ZSWIM5: variants seen among roughly 807,000 people sequenced by gnomAD.
ZSWIM5 encodes the protein zinc finger SWIM domain-containing protein 5.
In ZSWIM5, 55 loss-of-function variants were observed where a neutral mutation model predicts 119.6. That is an observed-to-expected ratio of 0.46 (90% CI 0.37 to 0.58). The LOEUF is 0.58. ZSWIM5 is among the 20% of genes least tolerant of loss of function. ZSWIM5 has a pLI of 0.00. For missense variants in ZSWIM5, 1,193 were observed against 1,512.8 expected (o/e 0.79, Z 3.51); for synonymous variants, 537 against 606.9 (o/e 0.88, Z 1.69).
At chr1:45,144,817 T>C (rs899042283) in intron 1 of ZSWIM5, among the ~76,000 whole-genome samples, 1 of 152,188 alleles carries the variant, frequency 6.6e-6, no homozygotes, top group Non-Finnish European at 1.5e-5. Context: ...ACTGGTAAGT[T>C]GGATTTCATT....
rs1220453424 is a variant in ZSWIM5, at chr1:45,083,147, A to G, written c.952+4734T>C. ...GCTACTTTTTGACAGTATCACTCAA[A>G]TAGAGAGAGCTCAGTTATTATGTAA... On this transcript the variant is annotated intron_variant, in intron 2 of 13. Coordinates refer to ENST00000359600, the MANE Select transcript of ZSWIM5 (RefSeq NM_020883.2). Among the ~76,000 whole-genome samples, 5 of 152,340 alleles carry G rather than the reference A, an allele frequency of 3.3e-5. No individual in the cohort carries two copies. The South Asian group carries it at 6.2e-4, about 19-fold the overall frequency.
intron 1 of ZSWIM5, among the ~76,000 whole-genome samples, chr1:45,159,488 A>G (rs1010121793): frequency 1.3e-5 from 2 of 152,174 alleles, no homozygotes; most frequent in African/African-American, 4.8e-5. Context: ...AATATTATTT[A>G]TTATTATTGT....
intron 2 of ZSWIM5, among the ~76,000 whole-genome samples, chr1:45,060,554 AT>A (rs1219878746): frequency 1.3e-5 from 2 of 152,124 alleles, no homozygotes; most frequent in South Asian, 2.1e-4. Context: ...CAAATTGTGC[AT>A]TTTTTTCCCC....
rs6664552 is a variant in ZSWIM5, at chr1:45,076,076, C to T, written c.952+11805G>A. Among the ~76,000 whole-genome samples, 1,384 of 152,168 alleles carry T rather than the reference C, an allele frequency of 9.1e-3. 27 individuals are homozygous for T. Among genetic ancestry groups the T allele is most frequent in the African/African-American group, 0.032 (1,327 of 41,514 alleles). On this transcript the variant is annotated intron_variant, in intron 2 of 13. Coordinates refer to ENST00000359600, the MANE Select transcript of ZSWIM5 (RefSeq NM_020883.2). ...TTGTTACTACTTTTATCTTATTATG[C>T]TATGTCTTGAAAGTTGTAGTTATTA...
At chr1:45,060,010 T>C in intron 3 of ZSWIM5, 89 bp downstream of exon 3, 1 of 1,471,732 alleles carries the variant, frequency 6.8e-7, no homozygotes, top group Non-Finnish European at 9.3e-7. Context: ...GAGCTAGGTA[T>C]AATGCATGAA....
intron 2 of ZSWIM5, among the ~76,000 whole-genome samples, chr1:45,071,227 T>C (rs531311790): frequency 1.5e-4 from 23 of 152,262 alleles, no homozygotes; most frequent in African/African-American, 5.5e-4. Flanking sequence ...ATTCTAACTA[T>C]GTTTTGTACA....
At chr1:45,161,958 C>T (rs346724) in intron 1 of ZSWIM5, among the ~76,000 whole-genome samples, 24,253 of 152,148 alleles carry the variant, frequency 0.16, 1,994 homozygotes, top group African/African-American at 0.18. Context: ...CTCCCACTTC[C>T]AGCTCTAATG....
chr1:45,062,257 TC>T (rs1570043962), intron 2 of ZSWIM5, among the ~76,000 whole-genome samples: 2 of 152,318 alleles, frequency 1.3e-5, no homozygotes, highest in Admixed American at 6.5e-5. Flanking sequence ...CAAATTCATG[TC>T]ATGTTTAATC....
chr1:45,192,240 C>T (rs370434479), intron 1 of ZSWIM5, among the ~76,000 whole-genome samples: 4 of 152,224 alleles, frequency 2.6e-5, no homozygotes, highest in African/African-American at 9.6e-5. Flanking sequence ...AATTTTTCAT[C>T]CTCCCATACT....
At chr1:45,182,265 G>A (rs1278536503) in intron 1 of ZSWIM5, among the ~76,000 whole-genome samples, 12 of 152,168 alleles carry the variant, frequency 7.9e-5, no homozygotes, top group Non-Finnish European at 1.3e-4. Flanking sequence ...TTAGCCGGGC[G>A]CAGTGGCTGG....
In ZSWIM5 at chr1:45,070,745, CT is replaced by C. The variant is rs553297639; in HGVS notation, c.953-10499del. ...TTTTTGAAACTCAATGCTACATCTT[CT>C]TTGATAATAACTTGCTAGTTTTTTT... On this transcript the variant is annotated intron_variant, in intron 2 of 13. Coordinates refer to ENST00000359600, the MANE Select transcript of ZSWIM5 (RefSeq NM_020883.2). Among the ~76,000 whole-genome samples, 881 of 152,308 alleles carry C rather than the reference CT, an allele frequency of 5.8e-3. 7 individuals are homozygous for C. Among genetic ancestry groups the C allele is most frequent in the Middle Eastern group, 0.014 (4 of 294 alleles).
chr1:45,117,001 T>C (rs970625712), intron 1 of ZSWIM5, among the ~76,000 whole-genome samples: 3 of 152,210 alleles, frequency 2.0e-5, no homozygotes, highest in African/African-American at 7.2e-5. Context: ...TTTTAAACTT[T>C]GAAGAATTCA....
At chr1:45,177,218 A>G (rs1234876695) in intron 1 of ZSWIM5, among the ~76,000 whole-genome samples, 2 of 151,980 alleles carry the variant, frequency 1.3e-5, no homozygotes, top group Non-Finnish European at 2.9e-5. Context: ...AATAGGAAAG[A>G]AGAAAAGAAT....
chr1:45,199,134 T>A (rs914650300), intron 1 of ZSWIM5, among the ~76,000 whole-genome samples: 1 of 152,164 alleles, frequency 6.6e-6, no homozygotes, highest in Non-Finnish European at 1.5e-5. Context: ...ACAGTCTTTT[T>A]TTTTTCTTTA....
At chr1:45,117,290 G>A (rs1392201608) in intron 1 of ZSWIM5, among the ~76,000 whole-genome samples, 1 of 152,174 alleles carries the variant, frequency 6.6e-6, no homozygotes, top group Non-Finnish European at 1.5e-5. Flanking sequence ...ACTCTAGATA[G>A]AGGATCATTA....
rs1215703894 is a variant in ZSWIM5, at chr1:45,019,609, CA to C, written c.2696-294del. Among the ~76,000 whole-genome samples the C allele has an allele frequency of 6.6e-6, 1 of 152,192 alleles. No homozygotes were observed. Among genetic ancestry groups the C allele is most frequent in the East Asian group, 1.9e-4 (1 of 5,186 alleles). ...AGCCTGGGGTTTGCTTGCCCTGAGG[CA>C]TGGGTTACAGATCTGCCAGGGGTTC... is the stretch of plus-strand genomic sequence containing the variant. On this transcript the variant is annotated intron_variant, in intron 13 of 13. Coordinates refer to ENST00000359600, the MANE Select transcript of ZSWIM5 (RefSeq NM_020883.2). This position sits in a 1 kb window ranked among gnomAD's most constrained non-coding sequence, Gnocchi z 5.0.
At chr1:45,195,594 T>C (rs1363055742) in intron 1 of ZSWIM5, among the ~76,000 whole-genome samples, 1 of 152,164 alleles carries the variant, frequency 6.6e-6, no homozygotes, top group Non-Finnish European at 1.5e-5. Flanking sequence ...AAATTATAGC[T>C]TGGCATTACA....
intron 8 of ZSWIM5, among the ~76,000 whole-genome samples, chr1:45,036,701 C>G (rs1644986925): frequency 6.6e-6 from 1 of 152,056 alleles, no homozygotes; most frequent in South Asian, 2.1e-4. Flanking sequence ...GCTTGGTCAA[C>G]AGCTATCATA....
rs1644875230 is a variant in ZSWIM5, at chr1:45,019,590, G to T, written c.2696-274C>A. On this transcript the variant is annotated intron_variant, in intron 13 of 13. Coordinates refer to ENST00000359600, the MANE Select transcript of ZSWIM5 (RefSeq NM_020883.2). This position sits in a 1 kb window ranked among gnomAD's most constrained non-coding sequence, Gnocchi z 5.0. ...CACAAGGATGGGACAGTAGAGCCTG[G>T]GGTTTGCTTGCCCTGAGGCATGGGT... Among the ~76,000 whole-genome samples the T allele has an allele frequency of 6.6e-6, 1 of 152,182 alleles. No homozygotes were observed. Among genetic ancestry groups the T allele is most frequent in the Non-Finnish European group, 1.5e-5 (1 of 68,032 alleles).
Sources: allele counts gnomAD v4.1 joint callset (sites outside exome capture counted in the v4.1 genomes callset), GRCh38; gene constraint gnomAD v4.1.1; non-coding constraint Gnocchi (gnomAD v3.1); transcripts MANE v1.5; gene names NCBI Gene and HGNC (gene_info 2026-07-23, HGNC 2026-07-21).